Variants in ADGRL3 observed in about 807,000 individuals in gnomAD.
The protein encoded by ADGRL3 is adhesion G protein-coupled receptor L3.
In ADGRL3, 62 loss-of-function variants were observed where a neutral mutation model predicts 153.5. The ratio of observed to expected loss-of-function variants is 0.40; its 90% CI spans 0.33 to 0.50. The LOEUF (loss-of-function observed/expected upper bound fraction) is 0.50. Ranked by LOEUF, ADGRL3 falls within the 20% of genes least tolerant of loss-of-function variation. The pLI, the probability that ADGRL3 is intolerant of heterozygous loss-of-function variation, is 0.47. For synonymous variants in ADGRL3, 710 were observed against 672.5 expected (o/e 1.06, Z -0.86); for missense variants, 1,641 against 1,859.4 (o/e 0.88, Z 2.16).
At chr4:61,974,111 G>T (rs917102694) in intron 17 of ADGRL3, among the ~76,000 whole-genome samples, 2 of 151,966 alleles carry the variant, frequency 1.3e-5, no homozygotes, top group Admixed American at 1.3e-4. Context: ...GTGACTACAG[G>T]CACCCTCCAC....
At chr4:61,651,931 T>C (rs1353057030) in intron 5 of ADGRL3, among the ~76,000 whole-genome samples, 1 of 151,944 alleles carries the variant, frequency 6.6e-6, no homozygotes, top group African/African-American at 2.4e-5. Flanking sequence ...AAATAACTTT[T>C]AAAGGTCATT....
intron 8 of ADGRL3, among the ~76,000 whole-genome samples, chr4:61,758,297 A>G (rs1405259213): frequency 2.0e-5 from 3 of 152,074 alleles, no homozygotes; most frequent in Non-Finnish European, 4.4e-5. Context: ...GTCTGCCATT[A>G]TTATTGCCTG....
chr4:61,644,491 C>T (rs1021285065), intron 5 of ADGRL3, among the ~76,000 whole-genome samples: 1 of 151,154 alleles, frequency 6.6e-6, no homozygotes, highest in African/African-American at 2.4e-5. Flanking sequence ...TATGTTGTGT[C>T]TTCTCTTTGG....
At chr4:61,661,287 T>C (rs1293402376) in intron 5 of ADGRL3, among the ~76,000 whole-genome samples, 1 of 152,108 alleles carries the variant, frequency 6.6e-6, no homozygotes, top group Non-Finnish European at 1.5e-5. Flanking sequence ...TACAATCTGT[T>C]GTGAATAATA....
intron 21 of ADGRL3, among the ~76,000 whole-genome samples, chr4:62,015,744 T>C (rs2151308233): frequency 6.6e-6 from 1 of 152,278 alleles, no homozygotes. Flanking sequence ...TCTCTCTTCT[T>C]TAATGGTTTT....
intron 11 of ADGRL3, among the ~76,000 whole-genome samples, chr4:61,900,901 G>A (rs1042779642): frequency 6.6e-6 from 1 of 152,022 alleles, no homozygotes; most frequent in Non-Finnish European, 1.5e-5. Context: ...AAACATATGC[G>A]GCAAAATACC....
intron 2 of ADGRL3, among the ~76,000 whole-genome samples, chr4:61,403,646 G>A (rs2096957762): frequency 6.6e-6 from 1 of 152,060 alleles, no homozygotes; most frequent in Admixed American, 6.6e-5. Context: ...TTGAACCCAA[G>A]GAGTTGTTTG....
intron 5 of ADGRL3, among the ~76,000 whole-genome samples, chr4:61,663,013 C>T (rs1348341189): frequency 6.6e-6 from 1 of 152,168 alleles, no homozygotes; most frequent in Non-Finnish European, 1.5e-5. Context: ...TGTAAGTCTC[C>T]TCTGAGCTGT....
At chr4:61,704,953 C>T (rs915087943) in intron 6 of ADGRL3, among the ~76,000 whole-genome samples, 4 of 152,168 alleles carry the variant, frequency 2.6e-5, no homozygotes, top group Non-Finnish European at 5.9e-5. Context: ...TCTATTTGCA[C>T]AATATCTGCA....
chr4:61,947,812 T>G (rs2098931732), intron 16 of ADGRL3, among the ~76,000 whole-genome samples: 1 of 152,198 alleles, frequency 6.6e-6, no homozygotes, highest in Non-Finnish European at 1.5e-5. Flanking sequence ...AACCTCTTTA[T>G]TTTGCAATGT....
In ADGRL3 at chr4:61,987,922, C is replaced by T. The variant is rs376007208; in HGVS notation, c.3236+4319C>T. 3.9e-5 allele frequency among the ~76,000 whole-genome samples: 6 copies of T among 151,952 alleles called. No individual in the cohort carries two copies. The South Asian group carries it at 1.2e-3, about 32-fold the overall frequency. Reference sequence around the variant, plus strand: ...GACAATGAGGTTTTATTTCTGAAATCTTTAATATAATAATAATACCTTACA... The same window carrying T: ...GACAATGAGGTTTTATTTCTGAAATTTTTAATATAATAATAATACCTTACA... On this transcript the variant is annotated intron_variant, in intron 19 of 26. Coordinates refer to ENST00000683033, the MANE Select transcript of ADGRL3 (RefSeq NM_001387552.1).
chr4:61,341,087 C>CAT (rs1442353987), intron 1 of ADGRL3, among the ~76,000 whole-genome samples: 2 of 151,628 alleles, frequency 1.3e-5, no homozygotes, highest in South Asian at 2.1e-4. Flanking sequence ...AGCAAACTAA[C>CAT]ATATATATAT....
intron 8 of ADGRL3, among the ~76,000 whole-genome samples, chr4:61,789,105 ATGT>A (rs1299728116): frequency 6.6e-6 from 1 of 152,174 alleles, no homozygotes; most frequent in Non-Finnish European, 1.5e-5. Context: ...AACTAAAGAT[ATGT>A]TGTTTATCTA....
intron 8 of ADGRL3, among the ~76,000 whole-genome samples, chr4:61,786,773 C>T (rs770107253): frequency 2.0e-5 from 3 of 151,994 alleles, no homozygotes; most frequent in Non-Finnish European, 2.9e-5. Flanking sequence ...CTGCCATTTG[C>T]CCATTATGCT....
rs1399897490 is a variant in ADGRL3, at chr4:62,070,893, G to T, written c.4617G>T (p.Leu1539Phe). Residue 1539 changes from leucine (L) to phenylalanine (F), a missense_variant, in exon 27 of 27, where the codon TTG becomes TTT. Physicochemically the swap from Leu to Phe is conservative, Grantham distance 22. This residue lies in a region of ADGRL3 where 517 missense variants were observed against 555.0 expected (regional missense o/e 0.93). Transcript: ENST00000683033. Reference protein sequence around the residue: ...PEGSSKGPAHLVTSL With the variant: ...PEGSSKGPAHFVTSL ...GAAGTTCAAAAGGACCGGCTCATTT[G>T]GTCACTAGTCTATAGAAGATGACAC... 2.6e-6 allele frequency: 4 copies of T among 1,548,854 alleles called. No homozygotes were observed. Among genetic ancestry groups the T allele is most frequent in the Non-Finnish European group, 3.5e-6 (4 of 1,145,510 alleles).
At chr4:61,370,361 G>T (rs1042810640) in intron 1 of ADGRL3, among the ~76,000 whole-genome samples, 3 of 151,234 alleles carry the variant, frequency 2.0e-5, no homozygotes, top group Non-Finnish European at 4.4e-5. Flanking sequence ...TCTCTTGTGG[G>T]CATGTAGTGC....
chr4:62,013,632 G>A (rs1355354908), intron 21 of ADGRL3, among the ~76,000 whole-genome samples: 1 of 152,086 alleles, frequency 6.6e-6, no homozygotes, highest in Admixed American at 6.6e-5. Flanking sequence ...ACTTATGCCT[G>A]TAATCCTAGC....
In ADGRL3 at chr4:62,031,609, A is replaced by G; in HGVS notation, c.3590A>G (p.Lys1197Arg). The change falls in exon 23 of 27, where the codon AAG becomes AGG. Residue 1197 changes from lysine (K) to arginine (R), a missense_variant and splice_region_variant. This residue lies in a region of ADGRL3 where 517 missense variants were observed against 555.0 expected (regional missense o/e 0.93). Coordinates refer to ENST00000683033, the MANE Select transcript of ADGRL3 (RefSeq NM_001387552.1). ...IFIFHCVLQK[K>R]VRKEYGKCLR... Reference sequence around the variant, plus strand: ...ATTTTCCATTGTGTCCTACAGAAGAAGGTAAGCTAGAATTCTTTTTTTAAA... The same window carrying G: ...ATTTTCCATTGTGTCCTACAGAAGAGGGTAAGCTAGAATTCTTTTTTTAAA... 1 of 1,595,600 alleles carries G rather than the reference A, an allele frequency of 6.3e-7. No homozygotes were observed. Among genetic ancestry groups the G allele is most frequent in the Admixed American group, 1.7e-5 (1 of 58,022 alleles).
At chr4:61,933,641 G>A (rs1267007956) in intron 13 of ADGRL3, among the ~76,000 whole-genome samples, 1 of 152,128 alleles carries the variant, frequency 6.6e-6, no homozygotes, top group Non-Finnish European at 1.5e-5. Flanking sequence ...AAAACAACTT[G>A]TATCAAAAGG....
Sources: allele counts gnomAD v4.1 joint callset (sites outside exome capture counted in the v4.1 genomes callset), GRCh38; gene constraint gnomAD v4.1.1; regional missense constraint gnomAD v4.1.1; transcripts MANE v1.5; gene names NCBI Gene and HGNC (gene_info 2026-07-23, HGNC 2026-07-21).